C18orf54: variants seen among roughly 807,000 people sequenced by gnomAD.
C18orf54 encodes the protein chromosome 18 open reading frame 54, also known as lung adenoma susceptibility protein 2.
Under a neutral mutation model 49.3 loss-of-function variants are expected in C18orf54, and 49 were observed. The observed-to-expected ratio is 0.99, with a 90% CI of 0.79 to 1.26. C18orf54 has a LOEUF of 1.26. C18orf54 is among the 50% of genes most tolerant of loss of function. The pLI is 0.00. For synonymous variants in C18orf54, 211 were observed against 216.6 expected (o/e 0.97, Z 0.23); for missense variants, 687 against 620.6 (o/e 1.11, Z -1.14).
intron 6 of C18orf54, among the ~76,000 whole-genome samples, chr18:54,371,604 G>A (rs1037964283): frequency 1.2e-4 from 18 of 151,874 alleles, no homozygotes; most frequent in African/African-American, 2.4e-4. Flanking sequence ...TTACCTTTCC[G>A]CTCCATTTCT....
In C18orf54 at chr18:54,361,857, G is replaced by T. The variant is rs2089277280; in HGVS notation, c.498G>T (p.Lys166Asn). ...RGRLGSLDIE[K>N]NPHFQGPYTS... is the part of the protein sequence containing the mutation. ...GACTGGGTTCATTGGACATTGAGAA[G>T]AATCCACATTTTCAAGGACCCTACA... Residue 166 changes from lysine to asparagine, a missense_variant, in exon 4 of 9, where the codon AAG (lysine) becomes AAT (asparagine). Transcript: ENST00000620105. 12 of 1,614,022 alleles carry T rather than the reference G, an allele frequency of 7.4e-6. No homozygotes were observed. Among genetic ancestry groups the T allele is most frequent in the Non-Finnish European group, 8.5e-6 (10 of 1,179,962 alleles).
At chr18:54,361,525 G>A (rs2089268510) in intron 3 of C18orf54, 118 bp from the exon 4 acceptor site, 3 of 845,348 alleles carry the variant, frequency 3.5e-6, no homozygotes, top group Non-Finnish European at 5.3e-6. Context: ...TTTAATCAAA[G>A]CTTTAGTGAG....
In C18orf54 at chr18:54,362,542, AATAC is replaced by A. The variant is rs1036132388; in HGVS notation, c.1072+114_1072+117del. The A allele has an allele frequency of 7.0e-6, 7 of 996,824 alleles. No individual in the cohort carries two copies. In the Admixed American group the frequency reaches 9.9e-5, roughly 14 times the overall value. The allele number at this position is 996,824 out of a possible 1,614,324, so 61.7% of individuals were successfully genotyped here. A position where few individuals can be genotyped will look rare whatever the true frequency, so the allele number is the denominator to read the frequency against. ...GAGCTTTTATGTTTTGTTTTCATGTAATACATCTTTTTGGAATGCTTATAATCTT... is the reference window on the plus strand; with the variant it reads ...GAGCTTTTATGTTTTGTTTTCATGTAATCTTTTTGGAATGCTTATAATCTT... On this transcript the variant is annotated intron_variant, in intron 4 of 8. Transcript: ENST00000620105.
chr18:54,362,917 A>G lies in C18orf54; in HGVS notation c.1219A>G (p.Thr407Ala), dbSNP rs201042542. ...ADRSWENIPVTFKSPVPVNSD... is the reference protein window; with the variant it reads ...ADRSWENIPVAFKSPVPVNSD... ...CAGATCATGGGAAAATATTCCTGTT[A>G]CTTTGTAAGTAAGTGGCAATGGAAA... The change falls in exon 5 of 9, where the codon ACT becomes GCT. Residue 407 changes from threonine (T) to alanine (A), a missense_variant. Coordinates refer to ENST00000620105, the MANE Select transcript of C18orf54 (RefSeq NM_001288980.2). The G allele has an allele frequency of 1.3e-6, 2 of 1,589,256 alleles. No homozygotes were observed. The highest frequency in any genetic ancestry group is 2.2e-5 in the East Asian group (1 of 44,550).
Position 54,365,821 on chromosome 18 carries a change from G to T in C18orf54, c.1326G>T (p.Gln442His). ...AAGACTTTCTAAATAATGATAATCA[G>T]GTGGGTGAAATTAAAAGTTTTAAAA... ...VLEDFLNNDNQSCTLSGGKHH... is the reference protein window; with the variant it reads ...VLEDFLNNDNHSCTLSGGKHH... The change falls in exon 6 of 9, where the codon CAG (glutamine) becomes CAT (histidine). Residue 442 changes from glutamine (Q) to histidine (H), a missense_variant and splice_region_variant. Transcript: ENST00000620105. The T allele has an allele frequency of 1.3e-6, 2 of 1,539,146 alleles. No individual in the cohort carries two copies. The highest frequency in any genetic ancestry group is 1.8e-6 in the Non-Finnish European group (2 of 1,126,992).
intron 6 of C18orf54, among the ~76,000 whole-genome samples, chr18:54,372,003 A>G (rs2089493940): frequency 6.6e-6 from 1 of 152,068 alleles, no homozygotes; most frequent in Non-Finnish European, 1.5e-5. Flanking sequence ...AGGTAGAAGG[A>G]ATGTATGGCC....
chr18:54,371,116 A>G (rs1329019918), intron 6 of C18orf54, among the ~76,000 whole-genome samples: 1 of 152,172 alleles, frequency 6.6e-6, no homozygotes, highest in Non-Finnish European at 1.5e-5. Context: ...TCTCACACTG[A>G]AACTTTGTAC....
At chr18:54,378,090 AC>A (rs1030987808) in intron 8 of C18orf54, 83 bp from the exon 9 acceptor site, 30 of 316,568 alleles carry the variant, frequency 9.5e-5, no homozygotes, top group African/African-American at 2.4e-4. Context: ...TTAATAGTCA[AC>A]TTTATTTATT....
intron 6 of C18orf54, among the ~76,000 whole-genome samples, chr18:54,367,152 C>T (rs1400599301): frequency 2.0e-5 from 3 of 152,008 alleles, no homozygotes; most frequent in Non-Finnish European, 2.9e-5. Context: ...AGTTTGTTCA[C>T]GTTCAAGGTT....
intron 7 of C18orf54, among the ~76,000 whole-genome samples, chr18:54,373,726 A>C (rs1009488133): frequency 6.6e-6 from 1 of 151,860 alleles, no homozygotes; most frequent in Non-Finnish European, 1.5e-5. Context: ...GTAAGTGCTC[A>C]ATAAATGATG....
chr18:54,360,460 T>C (rs2089241955), intron 2 of C18orf54, 67 bp from the exon 3 acceptor site: 1 of 951,198 alleles, frequency 1.1e-6, no homozygotes, highest in African/African-American at 1.7e-5. Context: ...GGTTTACATA[T>C]TTAGTAATTT....
chr18:54,362,667 A>G, intron 4 of C18orf54, 104 bp from the exon 5 acceptor site: 1 of 1,066,420 alleles, frequency 9.4e-7, no homozygotes, highest in Non-Finnish European at 1.3e-6. Flanking sequence ...TTATAGATGA[A>G]TGTACATTCC....
chr18:54,363,741 T>G (rs958974190), intron 5 of C18orf54, among the ~76,000 whole-genome samples: 12 of 152,242 alleles, frequency 7.9e-5, no homozygotes, highest in Non-Finnish European at 8.8e-5. Context: ...GCCTTAGGCT[T>G]TGATAATTTA....
chr18:54,371,507 AAG>A lies in C18orf54; in HGVS notation c.1327-956_1327-955del, dbSNP rs1235238139. 3.9e-5 allele frequency among the ~76,000 whole-genome samples: 6 copies of A among 152,246 alleles called. No individual in the cohort carries two copies. In the South Asian group the frequency reaches 1.0e-3, roughly 26 times the overall value. On this transcript the variant is annotated intron_variant, in intron 6 of 8. Transcript: ENST00000620105. ...TTTCACTTCTTTTGGATATATACCTAAGAGGGAAATTGCAGGATCATTCAGTA... is the reference window on the plus strand; with the variant it reads ...TTTCACTTCTTTTGGATATATACCTAAGGGAAATTGCAGGATCATTCAGTA...
rs2089648785 is a variant in C18orf54 at position 54,380,469 on chromosome 18, T to G, written c.*2223T>G. On this transcript the variant is annotated 3_prime_UTR_variant, in exon 9 of 9. Transcript: ENST00000620105. ...AAAAAGCCTAATTTCAAAAAACTATTTGAGATCAAGGGACAATGGTGTGAC... is the reference window on the plus strand; with the variant it reads ...AAAAAGCCTAATTTCAAAAAACTATGTGAGATCAAGGGACAATGGTGTGAC... 1 of 151,972 alleles carries G rather than the reference T, an allele frequency of 6.6e-6. No individual in the cohort carries two copies. Among genetic ancestry groups the G allele is most frequent in the African/African-American group, 2.4e-5 (1 of 41,418 alleles). The allele number at this position is 151,972 out of a possible 1,614,324, so 9.4% of individuals were successfully genotyped here. A position where few individuals can be genotyped will look rare whatever the true frequency, so the allele number is the denominator to read the frequency against.
Position 54,378,175 on chromosome 18 carries a change from G to C in C18orf54, c.1531G>C (p.Ala511Pro), listed in dbSNP as rs764748945. 1 of 1,612,610 alleles carries C rather than the reference G, an allele frequency of 6.2e-7. No individual in the cohort carries two copies. Among genetic ancestry groups the C allele is most frequent in the Non-Finnish European group, 8.5e-7 (1 of 1,179,160 alleles). Residue 511 changes from alanine to proline, a missense_variant and splice_region_variant, in exon 9 of 9, where the codon GCT becomes CCT. Physicochemically the swap from Ala to Pro is conservative, Grantham distance 27. Coordinates refer to ENST00000620105, the MANE Select transcript of C18orf54 (RefSeq NM_001288980.2). ...TGTGTTTTATACTTTTTAATGAAGGGCTTTGCACCATTTATCTCGCCTGAG... is the reference window on the plus strand; with the variant it reads ...TGTGTTTTATACTTTTTAATGAAGGCCTTTGCACCATTTATCTCGCCTGAG... ...MIPITRSLQKALHHLSRLRDL... is the reference protein window; with the variant it reads ...MIPITRSLQKPLHHLSRLRDL...
intron 6 of C18orf54, among the ~76,000 whole-genome samples, chr18:54,371,974 C>A (rs1309622762): frequency 6.6e-6 from 1 of 151,942 alleles, no homozygotes; most frequent in African/African-American, 2.4e-5. Flanking sequence ...CAGGGGTAAT[C>A]GAGCTATGAG....
Position 54,381,138 on chromosome 18 carries a change from T to C in C18orf54, c.*2892T>C, listed in dbSNP as rs1472952346. 1.3e-5 allele frequency: 2 copies of C among 152,168 alleles called. No homozygotes were observed. Among genetic ancestry groups the C allele is most frequent in the East Asian group, 3.8e-4 (2 of 5,206 alleles). The allele number at this position is 152,168 out of a possible 1,614,324, so 9.4% of individuals were successfully genotyped here. On this transcript the variant is annotated 3_prime_UTR_variant, in exon 9 of 9. Transcript: ENST00000620105. ...ATTGAGGCCTAATCCTGAACACATA[T>C]AGAGCATATTGTTAGATATTTTTCC...
rs1346759438 is a variant in C18orf54 at position 54,379,217 on chromosome 18, C to A, written c.*971C>A. ...TACCAAGCACTTATTATTAATACTT[C>A]TTATAAGTAGTAAGCATCTTTACTA... On this transcript the variant is annotated 3_prime_UTR_variant, in exon 9 of 9. Coordinates refer to ENST00000620105, the MANE Select transcript of C18orf54 (RefSeq NM_001288980.2). 1 of 152,004 alleles carries A rather than the reference C, an allele frequency of 6.6e-6. No homozygotes were observed. The highest frequency in any genetic ancestry group is 1.5e-5 in the Non-Finnish European group (1 of 67,910). 9.4% of individuals were successfully genotyped at this position (152,004 alleles called of 1,614,324 possible).
Sources: allele counts gnomAD v4.1 joint callset (sites outside exome capture counted in the v4.1 genomes callset), GRCh38; gene constraint gnomAD v4.1.1; transcripts MANE v1.5; gene names NCBI Gene and HGNC (gene_info 2026-07-23, HGNC 2026-07-21).